The following CD28 variants were observed in gnomAD, a reference collection of about 807,000 sequenced individuals.
The protein encoded by CD28 is T-cell-specific surface glycoprotein CD28.
CD28 carries 8 observed loss-of-function variants against 21.4 expected under a neutral mutation model. That is an observed-to-expected ratio of 0.37 (90% CI 0.22 to 0.68). CD28 has a LOEUF of 0.68. Among genes scored for constraint, CD28 ranks in the 30% least tolerant of loss-of-function variants. The pLI, the probability that CD28 is intolerant of heterozygous loss-of-function variation, is 0.55. For missense variants in CD28, 239 were observed against 272.2 expected, an observed-to-expected ratio of 0.88 and a Z score of 0.86; for synonymous variants, 106 against 104.0, an observed-to-expected ratio of 1.02 and a Z score of -0.12.
chr2:203,707,385 A>C (rs1485018668), intron 1 of CD28, among the ~76,000 whole-genome samples: 2 of 152,164 alleles, frequency 1.3e-5, no homozygotes. Flanking sequence ...TTGTGAGGTA[A>C]AATGAAATAA....
At chr2:203,728,917 T>C (rs1381270688) in intron 2 of CD28, among the ~76,000 whole-genome samples, 1 of 152,190 alleles carries the variant, frequency 6.6e-6, no homozygotes. Context: ...GAAATACCAA[T>C]GCCTAGTTCC....
Position 203,729,649 on chromosome 2 carries a change from G to A in CD28, c.411G>A (p.Gly137=). The change falls in exon 3 of 4, where the codon GGG becomes GGA. Residue 137 remains glycine, a splice_region_variant and synonymous_variant. Transcript: ENST00000324106. ...KSNGTIIHVK[G]KHLCPSPLFP... ...AATCCACTCTATTTTGTTTTTCAGG[G>A]AAACACCTTTGTCCAAGTCCCCTAT... 1 of 1,613,054 alleles carries A rather than the reference G, an allele frequency of 6.2e-7. No individual in the cohort carries two copies. Among genetic ancestry groups the A allele is most frequent in the Non-Finnish European group, 8.5e-7 (1 of 1,179,658 alleles).
intron 1 of CD28, among the ~76,000 whole-genome samples, chr2:203,712,377 T>G (rs1693338376): frequency 6.6e-6 from 1 of 152,244 alleles, no homozygotes; most frequent in Admixed American, 6.5e-5. Context: ...TACCTCACCA[T>G]GCTATTTGAT....
chr2:203,714,444 G>A (rs992093222), intron 1 of CD28, among the ~76,000 whole-genome samples: 7 of 152,182 alleles, frequency 4.6e-5, no homozygotes, highest in African/African-American at 1.7e-4. Context: ...TTTGGAACAA[G>A]GATATGGTTG....
intron 1 of CD28, among the ~76,000 whole-genome samples, chr2:203,712,209 G>A (rs1055097915): frequency 3.4e-5 from 5 of 145,796 alleles, no homozygotes; most frequent in African/African-American, 1.3e-4. Context: ...ACAAAAAAAA[G>A]AAATATAAAA....
intron 3 of CD28, 65 bp from the exon 4 acceptor site, chr2:203,734,719 G>T: frequency 6.3e-7 from 1 of 1,575,046 alleles, no homozygotes; most frequent in South Asian, 1.1e-5. Flanking sequence ...GAATAGTTGT[G>T]CCCACAGTCT....
intron 1 of CD28, among the ~76,000 whole-genome samples, chr2:203,707,375 T>C (rs1168759618): frequency 6.6e-6 from 1 of 152,034 alleles, no homozygotes; most frequent in Non-Finnish European, 1.5e-5. Flanking sequence ...CTCAAGGTCA[T>C]TGTGAGGTAA....
At chr2:203,719,285 T>G (rs1324929368) in intron 1 of CD28, among the ~76,000 whole-genome samples, 2 of 152,228 alleles carry the variant, frequency 1.3e-5, no homozygotes, top group Non-Finnish European at 1.5e-5. Flanking sequence ...AATAAGGAAT[T>G]GGCATAGATC....
intron 1 of CD28, among the ~76,000 whole-genome samples, chr2:203,725,068 T>C (rs1169198889): frequency 6.6e-6 from 1 of 151,982 alleles, no homozygotes; most frequent in Admixed American, 6.6e-5. Context: ...AGGCGGTGGA[T>C]CACCTGAGGT....
chr2:203,730,233 A>T (rs1245508671), intron 3 of CD28, among the ~76,000 whole-genome samples: 1 of 152,170 alleles, frequency 6.6e-6, no homozygotes, highest in Non-Finnish European at 1.5e-5. Context: ...AAGAAACTAG[A>T]TCTGTTTATC....
At chr2:203,727,734 C>T (rs1028267507) in intron 2 of CD28, among the ~76,000 whole-genome samples, 5 of 151,650 alleles carry the variant, frequency 3.3e-5, no homozygotes, top group African/African-American at 1.2e-4. Flanking sequence ...GGCTGGAATG[C>T]GGTGGCGCGA....
chr2:203,723,016 G>A (rs1693644478), intron 1 of CD28, among the ~76,000 whole-genome samples: 1 of 152,180 alleles, frequency 6.6e-6, no homozygotes, highest in Admixed American at 6.5e-5. Flanking sequence ...ATGGATGCCT[G>A]GGTCCTATAC....
intron 1 of CD28, among the ~76,000 whole-genome samples, chr2:203,722,947 C>T (rs1367589091): frequency 1.3e-5 from 2 of 152,150 alleles, no homozygotes; most frequent in Non-Finnish European, 2.9e-5. Context: ...CTCTGTTAGG[C>T]CACTGGTTCT....
chr2:203,713,831 A>G (rs1044281014), intron 1 of CD28, among the ~76,000 whole-genome samples: 1 of 144,798 alleles, frequency 6.9e-6, no homozygotes, highest in Non-Finnish European at 1.5e-5. Flanking sequence ...CAAGTGCTGG[A>G]CCTGAGAGAG....
intron 2 of CD28, among the ~76,000 whole-genome samples, chr2:203,728,982 A>G (rs1451575202): frequency 6.6e-6 from 1 of 152,202 alleles, no homozygotes; most frequent in African/African-American, 2.4e-5. Flanking sequence ...GCTGGACATC[A>G]GTATATTTTC....
chr2:203,718,409 A>G (rs1269994196), intron 1 of CD28, among the ~76,000 whole-genome samples: 1 of 152,250 alleles, frequency 6.6e-6, no homozygotes, highest in East Asian at 1.9e-4. Flanking sequence ...GTGCTCTTCT[A>G]TGCCAGGGAA....
chr2:203,731,543 G>A (rs1258464890), intron 3 of CD28, among the ~76,000 whole-genome samples: 2 of 152,214 alleles, frequency 1.3e-5, no homozygotes, highest in Non-Finnish European at 1.5e-5. Context: ...TAGCTCTGCA[G>A]AAAGTAGTTT....
chr2:203,716,955 C>T (rs1487292633), intron 1 of CD28, among the ~76,000 whole-genome samples: 1 of 152,114 alleles, frequency 6.6e-6, no homozygotes, highest in Non-Finnish European at 1.5e-5. Context: ...CTCAGCCTCC[C>T]AAGGAGCTGG....
At chr2:203,715,994 T>G (rs1455843068) in intron 1 of CD28, among the ~76,000 whole-genome samples, 2 of 152,192 alleles carry the variant, frequency 1.3e-5, no homozygotes, top group East Asian at 3.9e-4. Flanking sequence ...GCAGTCAAGA[T>G]TGCTTGCTGC....
Sources: allele counts gnomAD v4.1 joint callset (sites outside exome capture counted in the v4.1 genomes callset), GRCh38; gene constraint gnomAD v4.1.1; transcripts MANE v1.5; gene names NCBI Gene and HGNC (gene_info 2026-07-23, HGNC 2026-07-21).